FAM227B: variants seen among roughly 807,000 people sequenced by gnomAD.
The protein encoded by FAM227B is protein FAM227B.
Under a neutral mutation model 73.8 loss-of-function variants are expected in FAM227B, and 88 were observed. That is an observed-to-expected ratio of 1.19 (90% confidence interval 1.00 to 1.42). The LOEUF (loss-of-function observed/expected upper bound fraction) is 1.42. Among genes scored for constraint, FAM227B ranks in the 40% most tolerant of loss-of-function variants. FAM227B has a pLI of 0.00. For missense variants in FAM227B, 632 were observed against 590.9 expected, an observed-to-expected ratio of 1.07 and a Z score of -0.72; for synonymous variants, 210 against 190.5, an observed-to-expected ratio of 1.10 and a Z score of -0.84.
intron 11 of FAM227B, among the ~76,000 whole-genome samples, chr15:49,375,743 G>A (rs189442594): frequency 4.6e-5 from 7 of 152,094 alleles, no homozygotes; most frequent in East Asian, 1.9e-4. Flanking sequence ...AGAGCATACC[G>A]TCTGATAAAT....
intron 10 of FAM227B, among the ~76,000 whole-genome samples, chr15:49,510,572 T>C (rs1486235688): frequency 1.6e-4 from 24 of 152,150 alleles, no homozygotes; most frequent in Admixed American, 1.6e-3. Flanking sequence ...CCTGCCAATG[T>C]GCTCGAATCT....
chr15:49,499,334 C>T (rs2152084368), intron 11 of FAM227B, among the ~76,000 whole-genome samples: 1 of 151,916 alleles, frequency 6.6e-6, no homozygotes, highest in East Asian at 1.9e-4. Flanking sequence ...ATTTAAAATG[C>T]CATGTATAAT....
At chr15:49,432,657 C>A (rs1013154591) in intron 11 of FAM227B, among the ~76,000 whole-genome samples, 1 of 151,570 alleles carries the variant, frequency 6.6e-6, no homozygotes, top group African/African-American at 2.4e-5. Context: ...AAAAACTATA[C>A]AATTGACCTG....
intron 3 of FAM227B, among the ~76,000 whole-genome samples, chr15:49,601,230 T>G (rs2077188484): frequency 6.6e-6 from 1 of 151,172 alleles, no homozygotes. Flanking sequence ...CCTTTGTGAT[T>G]TGATGATTTT....
At chr15:49,616,204 T>C (rs1481470633) in intron 1 of FAM227B, among the ~76,000 whole-genome samples, 1 of 152,242 alleles carries the variant, frequency 6.6e-6, no homozygotes, top group Non-Finnish European at 1.5e-5. Flanking sequence ...GATGGAGCCT[T>C]TGAGGAGACA....
intron 3 of FAM227B, among the ~76,000 whole-genome samples, chr15:49,592,105 G>A (rs1340619194): frequency 6.6e-6 from 1 of 151,946 alleles, no homozygotes; most frequent in Non-Finnish European, 1.5e-5. Context: ...CTTGCGATGG[G>A]TTAGAACATG....
At chr15:49,489,219 C>A (rs2056668188) in intron 11 of FAM227B, 12 of 984,292 alleles carry the variant, frequency 1.2e-5, no homozygotes, top group Non-Finnish European at 1.4e-5. Context: ...TGATCCAAGT[C>A]ATAAACTAGG....
chr15:49,547,613 A>G (rs2072127680), intron 9 of FAM227B, among the ~76,000 whole-genome samples: 1 of 152,208 alleles, frequency 6.6e-6, no homozygotes, highest in Non-Finnish European at 1.5e-5. Flanking sequence ...AAACAAAAAA[A>G]GGCAGGGGTT....
chr15:49,380,998 T>C (rs2046494697), intron 11 of FAM227B, among the ~76,000 whole-genome samples: 1 of 152,158 alleles, frequency 6.6e-6, no homozygotes, highest in Admixed American at 6.5e-5. Context: ...TCAGGGAGAT[T>C]ACAATCGTGG....
rs191302320 is a variant in FAM227B at position 49,569,121 on chromosome 15, G to T, written c.646-775C>A. Among the ~76,000 whole-genome samples the T allele has an allele frequency of 4.0e-5, 6 of 151,856 alleles. No individual in the cohort carries two copies. In the East Asian group the frequency reaches 1.2e-3, roughly 29 times the overall value. ...ATCTTGTTAGATTGTATGTTTCTAA[G>T]AATTTGTCTATTTCAACTACATTAT... On this transcript the variant is annotated intron_variant, in intron 8 of 15. Coordinates refer to ENST00000299338, the MANE Select transcript of FAM227B (RefSeq NM_152647.3).
At chr15:49,474,067 A>G (rs1230782421) in intron 11 of FAM227B, among the ~76,000 whole-genome samples, 2 of 152,180 alleles carry the variant, frequency 1.3e-5, no homozygotes, top group Non-Finnish European at 2.9e-5. Context: ...ACTTTTTATT[A>G]TATTCAAACT....
At chr15:49,527,227 G>T (rs1200504161) in intron 10 of FAM227B, among the ~76,000 whole-genome samples, 3 of 151,924 alleles carry the variant, frequency 2.0e-5, no homozygotes, top group Admixed American at 6.6e-5. Context: ...TGTAAGGATG[G>T]CTCAAGATAT....
intron 11 of FAM227B, among the ~76,000 whole-genome samples, chr15:49,417,972 T>C (rs1279549300): frequency 3.3e-5 from 5 of 152,130 alleles, no homozygotes; most frequent in Non-Finnish European, 1.5e-5. Context: ...AACAAATTTA[T>C]AAGCAAAACC....
intron 15 of FAM227B, chr15:49,330,659 T>G (rs2038509841): frequency 6.6e-6 from 1 of 151,964 alleles, no homozygotes; most frequent in Non-Finnish European, 1.5e-5. Flanking sequence ...TTGCCCTTTA[T>G]CAGGACACTT....
intron 11 of FAM227B, among the ~76,000 whole-genome samples, chr15:49,409,814 A>T (rs2048756060): frequency 6.6e-6 from 1 of 152,170 alleles, no homozygotes; most frequent in African/African-American, 2.4e-5. Flanking sequence ...ATGCCAACTT[A>T]ATATGACTGC....
intron 11 of FAM227B, among the ~76,000 whole-genome samples, chr15:49,494,579 G>A (rs1475214914): frequency 6.6e-6 from 1 of 152,096 alleles, no homozygotes; most frequent in Non-Finnish European, 1.5e-5. Flanking sequence ...CTCAGTTGGA[G>A]GCTCTTTTTT....
chr15:49,344,499 A>C (rs1202992330), intron 13 of FAM227B, among the ~76,000 whole-genome samples: 2 of 152,130 alleles, frequency 1.3e-5, no homozygotes, highest in African/African-American at 4.8e-5. Context: ...TTCTCCTCTC[A>C]TCCCCAATTG....
intron 13 of FAM227B, among the ~76,000 whole-genome samples, chr15:49,352,719 C>G (rs1311826222): frequency 1.3e-5 from 2 of 152,140 alleles, no homozygotes; most frequent in African/African-American, 2.4e-5. Flanking sequence ...ATAGCTTGGT[C>G]ATCACAGCGC....
chr15:49,542,890 T>C (rs1413522815), intron 9 of FAM227B, among the ~76,000 whole-genome samples: 1 of 152,076 alleles, frequency 6.6e-6, no homozygotes, highest in Non-Finnish European at 1.5e-5. Context: ...TACCACATTT[T>C]CTTTATCCAC....
Sources: gnomAD v4.1 joint callset for allele counts (sites outside exome capture counted in the v4.1 genomes callset) on GRCh38, gnomAD v4.1.1 for gene constraint, MANE v1.5 for transcripts, NCBI Gene and HGNC (gene_info 2026-07-23, HGNC 2026-07-21) for gene names.